Variants in SEMA6D observed in about 807,000 individuals in gnomAD.
The protein encoded by SEMA6D is semaphorin-6D.
A neutral mutation model predicts 106.6 loss-of-function variants in SEMA6D; 35 were observed. The observed-to-expected ratio is 0.33, with a 90% CI of 0.25 to 0.44. The LOEUF is 0.44. Among genes scored for constraint, SEMA6D ranks in the 20% least tolerant of loss-of-function variants. SEMA6D has a pLI of 1.00. For synonymous variants in SEMA6D, 499 were observed against 487.7 expected (o/e 1.02, Z -0.31); for missense variants, 1,185 against 1,345.9 (o/e 0.88, Z 1.87).
intron 1 of SEMA6D, among the ~76,000 whole-genome samples, chr15:47,209,133 T>A (rs1895314070): frequency 6.6e-6 from 1 of 152,164 alleles, no homozygotes; most frequent in Non-Finnish European, 1.5e-5. Context: ...CTATATATAG[T>A]ATAGTTCAAT....
intron 2 of SEMA6D, among the ~76,000 whole-genome samples, chr15:47,423,168 G>T (rs1195116500): frequency 6.6e-6 from 1 of 152,018 alleles, no homozygotes; most frequent in Admixed American, 6.6e-5. Flanking sequence ...CTTATGCTTA[G>T]GGAACATTTA....
At chr15:47,718,150 G>T (rs2079200452) in intron 1 of SEMA6D, among the ~76,000 whole-genome samples, 2 of 152,156 alleles carry the variant, frequency 1.3e-5, no homozygotes, top group South Asian at 2.1e-4. Flanking sequence ...CTTCTCTGCC[G>T]GGCACAGCGT....
chr15:47,359,622 C>G (rs139629068), intron 1 of SEMA6D: 1 of 151,994 alleles, frequency 6.6e-6, no homozygotes, highest in Non-Finnish European at 1.5e-5. Flanking sequence ...AATTCAGATA[C>G]CAACTAAAAT....
chr15:47,710,510 A>G (rs921233145), intron 4 of SEMA6D, among the ~76,000 whole-genome samples: 5 of 152,238 alleles, frequency 3.3e-5, no homozygotes, highest in African/African-American at 1.2e-4. Flanking sequence ...GTTTATGAAC[A>G]TAATTCCAAA....
At chr15:47,362,309 A>G (rs79200695) in intron 1 of SEMA6D, among the ~76,000 whole-genome samples, 2,520 of 152,296 alleles carry the variant, frequency 0.017, 62 homozygotes, top group African/African-American at 0.058. Flanking sequence ...GAGTGGATAA[A>G]TAGTATGCTA....
At chr15:47,224,196 A>T (rs888369400) in intron 1 of SEMA6D, among the ~76,000 whole-genome samples, 6 of 149,172 alleles carry the variant, frequency 4.0e-5, no homozygotes, top group Admixed American at 2.0e-4. Flanking sequence ...AATTAAATTT[A>T]AAAAAAAAAG....
intron 1 of SEMA6D, among the ~76,000 whole-genome samples, chr15:47,345,689 G>A (rs1333330564): frequency 6.6e-6 from 1 of 152,016 alleles, no homozygotes; most frequent in Admixed American, 6.6e-5. Flanking sequence ...GACCCATAAA[G>A]GAACTAATTG....
Position 47,548,386 on chromosome 15 carries a change from A to C in SEMA6D, c.-86-52479A>C, listed in dbSNP as rs1272919301. ...ACCTGCCAGAAACACCTCCCCCTGGAACAAGTTCAGCTCTTTCTTGGCCCT... is the reference window on the plus strand; with the variant it reads ...ACCTGCCAGAAACACCTCCCCCTGGCACAAGTTCAGCTCTTTCTTGGCCCT... On this transcript the variant is annotated intron_variant, in intron 3 of 19. Transcript: ENST00000558014. 1.1e-4 allele frequency among the ~76,000 whole-genome samples: 17 copies of C among 152,182 alleles called. 1 individual carries two copies. Among genetic ancestry groups the C allele is most frequent in the Admixed American group, 1.1e-3 (17 of 15,258 alleles).
intron 1 of SEMA6D, among the ~76,000 whole-genome samples, chr15:47,379,177 T>C (rs281255): frequency 0.61 from 92,725 of 152,054 alleles, 30,155 homozygotes; most frequent in Non-Finnish European, 0.72. Context: ...TAATTCAAAT[T>C]GTTTACATTT....
At chr15:47,387,585 A>G (rs2039883984) in intron 1 of SEMA6D, among the ~76,000 whole-genome samples, 2 of 152,262 alleles carry the variant, frequency 1.3e-5, no homozygotes, top group Non-Finnish European at 2.9e-5. Flanking sequence ...GTAAATGCTC[A>G]TTTATTTCTT....
At chr15:47,770,438 CTATT>C (rs1271914123) in intron 18 of SEMA6D, 55 bp from the exon 19 acceptor site, 5 of 1,411,542 alleles carry the variant, frequency 3.5e-6, no homozygotes, top group Non-Finnish European at 4.8e-6. Context: ...AAGCCATTTG[CTATT>C]TATTATTATT....
At chr15:47,313,907 T>C (rs2036539094) in intron 1 of SEMA6D, among the ~76,000 whole-genome samples, 1 of 152,218 alleles carries the variant, frequency 6.6e-6, no homozygotes, top group South Asian at 2.1e-4. Context: ...AACATCCTTG[T>C]TCAGGTTTAT....
At chr15:47,348,454 A>G (rs1000809694) in intron 1 of SEMA6D, among the ~76,000 whole-genome samples, 2 of 152,106 alleles carry the variant, frequency 1.3e-5, no homozygotes, top group African/African-American at 4.8e-5. Context: ...TGTTGCTACT[A>G]TAGGTTGAGC....
At chr15:47,702,969 A>G (rs2078843741) in intron 4 of SEMA6D, among the ~76,000 whole-genome samples, 1 of 152,210 alleles carries the variant, frequency 6.6e-6, no homozygotes, top group Non-Finnish European at 1.5e-5. Context: ...AACTCCTAGA[A>G]TGTACAGCAC....
At chr15:47,767,900 C>T (rs938539285) in intron 17 of SEMA6D, among the ~76,000 whole-genome samples, 1 of 152,082 alleles carries the variant, frequency 6.6e-6, no homozygotes, top group Non-Finnish European at 1.5e-5. Context: ...TCAGAATATC[C>T]TCATTCAGTT....
chr15:47,634,847 G>A (rs116337544), intron 4 of SEMA6D, among the ~76,000 whole-genome samples: 2,176 of 152,174 alleles, frequency 0.014, 55 homozygotes, highest in African/African-American at 0.05. Flanking sequence ...TCAACTTCCC[G>A]CTTGCCCCAC....
chr15:47,550,593 G>A lies in SEMA6D; in HGVS notation c.-86-50272G>A, dbSNP rs146702319. Among the ~76,000 whole-genome samples the A allele has an allele frequency of 1.6e-3, 241 of 152,202 alleles. 1 individual carries two copies. Among genetic ancestry groups the A allele is most frequent in the African/African-American group, 5.3e-3 (222 of 41,530 alleles). On this transcript the variant is annotated intron_variant, in intron 3 of 19. Coordinates refer to the SEMA6D transcript ENST00000558014. ...TTTATTCATCTCCATGGCTGATCCCGCCATGTTGTCTAAGCTTCTTTTCCC... is the reference window on the plus strand; with the variant it reads ...TTTATTCATCTCCATGGCTGATCCCACCATGTTGTCTAAGCTTCTTTTCCC...
intron 4 of SEMA6D, among the ~76,000 whole-genome samples, chr15:47,694,171 G>C (rs758701398): frequency 3.3e-5 from 5 of 152,160 alleles, no homozygotes; most frequent in African/African-American, 9.7e-5. Flanking sequence ...TCTTGGGGCA[G>C]AGTCTAAGAA....
At chr15:47,644,165 T>A (rs954964586) in intron 4 of SEMA6D, among the ~76,000 whole-genome samples, 1 of 152,182 alleles carries the variant, frequency 6.6e-6, no homozygotes, top group African/African-American at 2.4e-5. Context: ...TGTGCACCAT[T>A]CTTTATTCTC....
Sources: gnomAD v4.1 joint callset for allele counts (sites outside exome capture counted in the v4.1 genomes callset) on GRCh38, gnomAD v4.1.1 for gene constraint, MANE v1.5 for transcripts, NCBI Gene and HGNC (gene_info 2026-07-23, HGNC 2026-07-21) for gene names.